The following PHLPP2 variants were observed in gnomAD, a reference collection of about 807,000 sequenced individuals.
PHLPP2 encodes the protein PH domain leucine-rich repeat-containing protein phosphatase 2.
Under a neutral mutation model 124.9 loss-of-function variants are expected in PHLPP2, and 66 were observed. The ratio of observed to expected loss-of-function variants is 0.53; its 90% CI spans 0.43 to 0.65. The LOEUF is 0.65. Among genes scored for constraint, PHLPP2 ranks in the 30% least tolerant of loss-of-function variants. The pLI is 0.00. For synonymous variants in PHLPP2, 681 were observed against 624.7 expected, an observed-to-expected ratio of 1.09 and a Z score of -1.34; for missense variants, 1,685 against 1,600.4, an observed-to-expected ratio of 1.05 and a Z score of -0.90.
At chr16:71,675,031 A>T (rs1309129977) in intron 9 of PHLPP2, among the ~76,000 whole-genome samples, 2 of 152,226 alleles carry the variant, frequency 1.3e-5, no homozygotes, top group African/African-American at 2.4e-5. Flanking sequence ...AAAAAGTGAT[A>T]AACAATCTGT....
intron 17 of PHLPP2, among the ~76,000 whole-genome samples, chr16:71,654,127 G>A (rs1057083473): frequency 2.0e-5 from 3 of 150,634 alleles, no homozygotes; most frequent in Non-Finnish European, 4.4e-5. Context: ...CCCGGGAGAC[G>A]GAGCTTGCAG....
rs778857304 is a variant in PHLPP2 at position 71,678,848 on chromosome 16, A to T, written c.1175T>A (p.Met392Lys). 1.2e-6 allele frequency: 2 copies of T among 1,612,052 alleles called. No homozygotes were observed. Among genetic ancestry groups the T allele is most frequent in the Admixed American group, 1.7e-5 (1 of 60,016 alleles). Residue 392 changes from methionine (M) to lysine (K), a missense_variant, in exon 8 of 19, where the codon ATG becomes AAG. Transcript: ENST00000568954. ...QIPEVYEKLT[M>K]LDRVVMAGNC... ...TCCTGCCATAACCACTCTATCTAAC[A>T]TAGTGAGTTTCTCATAAACCTCAGG... is the stretch of plus-strand genomic sequence containing the variant.
chr16:71,673,755 T>C (rs2044916154), intron 9 of PHLPP2, among the ~76,000 whole-genome samples: 1 of 152,130 alleles, frequency 6.6e-6, no homozygotes, highest in African/African-American at 2.4e-5. Context: ...GGGCCAGGAA[T>C]TCACTGTTTA....
intron 5 of PHLPP2, 54 bp downstream of exon 5, chr16:71,684,422 G>C (rs930323220): frequency 1.3e-6 from 2 of 1,591,294 alleles, no homozygotes; most frequent in Non-Finnish European, 1.7e-6. Flanking sequence ...CACCACGCCC[G>C]GCCTAGGGTT....
intron 6 of PHLPP2, 99 bp downstream of exon 6, chr16:71,681,652 A>G (rs2044999505): frequency 1.1e-6 from 1 of 939,664 alleles, no homozygotes; most frequent in Non-Finnish European, 1.5e-6. Flanking sequence ...GGGAGGGGAA[A>G]TTTTAGAATA....
chr16:71,711,676 T>C (rs2045325095), intron 2 of PHLPP2, among the ~76,000 whole-genome samples: 1 of 152,206 alleles, frequency 6.6e-6, no homozygotes, highest in South Asian at 2.1e-4. Flanking sequence ...GCATAAGCAT[T>C]GATTATCATT....
At chr16:71,680,612 G>C (rs756597197) in intron 6 of PHLPP2, among the ~76,000 whole-genome samples, 18 of 152,110 alleles carry the variant, frequency 1.2e-4, no homozygotes, top group Non-Finnish European at 2.1e-4. Flanking sequence ...AGGATACTTC[G>C]TTATTATACA....
chr16:71,649,333 T>C lies in PHLPP2; in HGVS notation c.3529A>G (p.Arg1177Gly). 2 of 1,610,698 alleles carry C rather than the reference T, an allele frequency of 1.2e-6. No individual in the cohort carries two copies. Among genetic ancestry groups the C allele is most frequent in the Non-Finnish European group, 1.7e-6 (2 of 1,177,072 alleles). The stretch of plus-strand genomic sequence containing the variant: ...AGAGGGGGTGAGTTCTCCAGATCCC[T>C]CCCCCTGCAGCAGTGGATGTCTACT... ...VEVDIHCCRG[R>G]DLENSPPLIE... is the part of the protein sequence containing the mutation. Residue 1177 changes from arginine (R) to glycine (G), a missense_variant, in exon 19 of 19, where the codon AGG becomes GGG. By Grantham distance (125) the Arg-to-Gly change is moderately radical. Transcript: ENST00000568954.
rs772207777 is a variant in PHLPP2 at position 71,650,011 on chromosome 16, G to T, written c.2851C>A (p.Arg951=). The T allele has an allele frequency of 1.9e-6, 3 of 1,610,530 alleles. No individual in the cohort carries two copies. The highest frequency in any genetic ancestry group is 2.5e-6 in the Non-Finnish European group (3 of 1,179,816). ...NKVNGVTCCT[R]MLGCTYLYPW... ...TAGAGGTATGTACAGCCCAGCATCC[G>T]GGTACAGCAGGTTACCCCATTCACT... The change falls in exon 19 of 19, where the codon CGG becomes AGG. Residue 951 remains arginine (R), a synonymous_variant. Transcript: ENST00000568954.
intron 3 of PHLPP2, among the ~76,000 whole-genome samples, chr16:71,701,418 C>T (rs935026833): frequency 3.5e-4 from 54 of 152,234 alleles, no homozygotes; most frequent in African/African-American, 1.2e-3. Context: ...TCATCCCAAA[C>T]TTAATTTCCT....
rs1356028674 is a variant in PHLPP2 at position 71,658,645 on chromosome 16, A to C, written c.2148+8T>G. The stretch of plus-strand genomic sequence containing the variant: ...CAATAAGGACATCATTCCAGCACAC[A>C]GAAGTACCTGGATCTGAGGCAACTG... On this transcript the variant is annotated splice_region_variant and intron_variant, in intron 14 of 18. Coordinates refer to ENST00000568954, the MANE Select transcript of PHLPP2 (RefSeq NM_015020.3). 1 of 1,612,914 alleles carries C rather than the reference A, an allele frequency of 6.2e-7. No individual in the cohort carries two copies. Among genetic ancestry groups the C allele is most frequent in the Non-Finnish European group, 8.5e-7 (1 of 1,179,228 alleles).
At chr16:71,698,543 G>C in intron 3 of PHLPP2, 1 of 683,776 alleles carries the variant, frequency 1.5e-6, no homozygotes, top group Non-Finnish European at 2.7e-6. Flanking sequence ...CACAAAGTCA[G>C]AGACATGAAC....
rs1323264054 is a variant in PHLPP2, at chr16:71,649,792, C to T, written c.3070G>A (p.Asp1024Asn). The T allele has an allele frequency of 3.7e-6, 6 of 1,614,250 alleles. No homozygotes were observed. Among genetic ancestry groups the T allele is most frequent in the Non-Finnish European group, 4.2e-6 (5 of 1,180,050 alleles). ...TAAACTACCATCGCCCCTACATTGT[C>T]CTGACAGCCATAGCTCTGCGCTAAT... ...CTLAQSYGCQ[D>N]NVGAMVVYLN... The change falls in exon 19 of 19, where the codon GAC becomes AAC. Residue 1024 changes from aspartate (D) to asparagine (N), a missense_variant. Asp to Asn is a conservative substitution (Grantham distance 23). Coordinates refer to ENST00000568954, the MANE Select transcript of PHLPP2 (RefSeq NM_015020.3).
At chr16:71,681,984 C>A in intron 5 of PHLPP2, 79 bp from the exon 6 acceptor site, 6 of 966,294 alleles carry the variant, frequency 6.2e-6, no homozygotes, top group Non-Finnish European at 7.2e-6. Flanking sequence ...ATGGCATTTA[C>A]ACAAAAAGAC....
chr16:71,675,658 A>G (rs1035602245), intron 9 of PHLPP2, among the ~76,000 whole-genome samples: 2 of 152,214 alleles, frequency 1.3e-5, no homozygotes, highest in Admixed American at 1.3e-4. Context: ...TTCCAGTACA[A>G]CTTCATTCAG....
At chr16:71,704,457 C>A (rs1401393198) in intron 2 of PHLPP2, among the ~76,000 whole-genome samples, 1 of 151,700 alleles carries the variant, frequency 6.6e-6, no homozygotes, top group Non-Finnish European at 1.5e-5. Context: ...TGAACATAAA[C>A]AACTACAAAG....
intron 1 of PHLPP2, among the ~76,000 whole-genome samples, chr16:71,720,842 C>T (rs537705203): frequency 2.8e-5 from 4 of 143,944 alleles, no homozygotes; most frequent in Non-Finnish European, 6.0e-5. Flanking sequence ...GCAACAAGAG[C>T]GAAACTCCAC....
chr16:71,658,570 TC>T (rs2044761154), intron 14 of PHLPP2, 82 bp downstream of exon 14: 3 of 1,419,250 alleles, frequency 2.1e-6, no homozygotes, highest in Non-Finnish European at 2.9e-6. Flanking sequence ...ACTCCTTTCT[TC>T]TTCTTTATAA....
chr16:71,703,951 A>T (rs1362676090), intron 2 of PHLPP2, among the ~76,000 whole-genome samples: 1 of 152,292 alleles, frequency 6.6e-6, no homozygotes, highest in Admixed American at 6.5e-5. Context: ...CAACAACCAA[A>T]AGCAAGCACA....
Sources: gnomAD v4.1 joint callset for allele counts (sites outside exome capture counted in the v4.1 genomes callset) on GRCh38, gnomAD v4.1.1 for gene constraint, MANE v1.5 for transcripts, NCBI Gene and HGNC (gene_info 2026-07-23, HGNC 2026-07-21) for gene names.